Variants in GREB1 observed in about 807,000 individuals in gnomAD.
GREB1 encodes the protein protein GREB1.
GREB1 carries 106 observed loss-of-function variants against 200.7 expected under a neutral mutation model. The ratio of observed to expected loss-of-function variants is 0.53; its 90% CI spans 0.45 to 0.62. The LOEUF is 0.62. Ranked by LOEUF, GREB1 falls within the 20% of genes least tolerant of loss-of-function variation. GREB1 has a pLI of 0.00. For synonymous variants in GREB1, 1,132 were observed against 1,092.4 expected, an observed-to-expected ratio of 1.04 and a Z score of -0.72; for missense variants, 2,243 against 2,556.8, an observed-to-expected ratio of 0.88 and a Z score of 2.65.
intron 12 of GREB1, among the ~76,000 whole-genome samples, chr2:11,595,807 T>C (rs1235169846): frequency 6.6e-6 from 1 of 152,124 alleles, no homozygotes; most frequent in East Asian, 1.9e-4. Context: ...ACTCATCTCA[T>C]GTCCCCCTAG....
rs1305464028 is a variant in GREB1 at position 11,598,812 on chromosome 2, A to G, written c.2285A>G (p.His762Arg). Residue 762 changes from histidine (H) to arginine (R), a missense_variant, in exon 15 of 33, where the codon CAT becomes CGT. Coordinates refer to ENST00000381486, the MANE Select transcript of GREB1 (RefSeq NM_014668.4). ...AFLQNSFQNP[H>R]TLFVLIHDHA... Reference sequence around the variant, plus strand: ...CTGCAAAACTCCTTCCAGAACCCGCATACACTTTTTGTCCTAATCCATGAC... The same window carrying G: ...CTGCAAAACTCCTTCCAGAACCCGCGTACACTTTTTGTCCTAATCCATGAC... 3 of 1,614,214 alleles carry G rather than the reference A, an allele frequency of 1.9e-6. No homozygotes were observed. The highest frequency in any genetic ancestry group is 1.6e-4 in the Middle Eastern group (1 of 6,062).
rs1211011498 is a variant in GREB1, at chr2:11,587,739, A to ACGCGCG, written c.1160-1006_1160-1005insGCGCGC. The ACGCGCG allele has an allele frequency of 2.5e-4, 172 of 697,952 alleles. 11 individuals carry two copies. The highest frequency in any genetic ancestry group is 2.2e-3 in the South Asian group (45 of 20,582). 43.2% of individuals were successfully genotyped at this position (697,952 alleles called of 1,614,324 possible). On this transcript the variant is annotated intron_variant, in intron 9 of 32. Coordinates refer to ENST00000381486, the MANE Select transcript of GREB1 (RefSeq NM_014668.4). Reference sequence around the variant, plus strand: ...CACACACACACACACACACACACACACACGCCACCTTTGGGAGCTCAGCAG... The same window carrying ACGCGCG: ...CACACACACACACACACACACACACACGCGCGCACGCCACCTTTGGGAGCTCAGCAG...
chr2:11,503,396 A>G, intron 1 of GREB1, among the ~76,000 whole-genome samples: 1 of 152,200 alleles, frequency 6.6e-6, no homozygotes, highest in Non-Finnish European at 1.5e-5. Context: ...TAGTGTGAAT[A>G]TATATCACTG....
At chr2:11,513,536 T>C (rs1347814526) in intron 1 of GREB1, among the ~76,000 whole-genome samples, 1 of 152,254 alleles carries the variant, frequency 6.6e-6, no homozygotes, top group Middle Eastern at 3.2e-3. Flanking sequence ...AAGCCTTCCC[T>C]GATCTCCTTA....
chr2:11,627,952 G>T (rs1486466000), intron 25 of GREB1, among the ~76,000 whole-genome samples: 4 of 152,226 alleles, frequency 2.6e-5, no homozygotes, highest in African/African-American at 9.6e-5. Flanking sequence ...GGGACAGCAT[G>T]TGTGGGAGAG....
rs575837285 is a variant in GREB1 at position 11,501,895 on chromosome 2, GTTTTTTTTTGTT to G, written c.-159+19524_-159+19535del. ...TTACTTATTAGAGCCTGGATTTCCT[GTTTTTTTTTGTT>G]TTTTTTTTTTTTTTTTTTTTTTTTT... On this transcript the variant is annotated intron_variant, in intron 1 of 2. Coordinates refer to the GREB1 transcript ENST00000628795. Among the ~76,000 whole-genome samples, 164 of 45,502 alleles carry G rather than the reference GTTTTTTTTTGTT, an allele frequency of 3.6e-3. 12 individuals carry two copies. Among genetic ancestry groups the G allele is most frequent in the African/African-American group, 0.012 (137 of 11,202 alleles). The allele number at this position is 45,502 out of a possible 152,430, so 29.9% of individuals were successfully genotyped here.
At chr2:11,510,475 T>C (rs936641192) in intron 1 of GREB1, among the ~76,000 whole-genome samples, 6 of 152,208 alleles carry the variant, frequency 3.9e-5, no homozygotes, top group African/African-American at 1.2e-4. Context: ...TAATTCCTTC[T>C]TCATATATTT....
At chr2:11,615,491 G>T (rs1260245314) in intron 20 of GREB1, among the ~76,000 whole-genome samples, 2 of 152,186 alleles carry the variant, frequency 1.3e-5, no homozygotes, top group Non-Finnish European at 2.9e-5. Flanking sequence ...TTCAGATTTT[G>T]TTTGTTTTCT....
At chr2:11,531,438 A>G (rs1674071351), upstream of GREB1, among the ~76,000 whole-genome samples, 1 of 152,216 alleles carries the variant, frequency 6.6e-6, no homozygotes, top group African/African-American at 2.4e-5. Context: ...ATTTACCCCA[A>G]AAAAGCTGTT....
chr2:11,554,467 C>T (rs758562283), intron 1 of GREB1, among the ~76,000 whole-genome samples: 1 of 152,310 alleles, frequency 6.6e-6, no homozygotes, highest in South Asian at 2.1e-4. Context: ...CATCTTGAAG[C>T]TACTCTGCCA....
chr2:11,483,571 G>T (rs1041206967), intron 1 of GREB1, among the ~76,000 whole-genome samples: 2 of 152,038 alleles, frequency 1.3e-5, no homozygotes, highest in Non-Finnish European at 2.9e-5. Flanking sequence ...GCTCTGGGAC[G>T]GTGGTTTAGG....
intron 4 of GREB1, among the ~76,000 whole-genome samples, chr2:11,572,862 C>T (rs1678453608): frequency 6.6e-6 from 1 of 152,042 alleles, no homozygotes; most frequent in African/African-American, 2.4e-5. Flanking sequence ...TCACCCTGTA[C>T]CATGGATGGG....
chr2:11,497,546 A>T (rs961620298), intron 1 of GREB1, among the ~76,000 whole-genome samples: 18 of 152,236 alleles, frequency 1.2e-4, no homozygotes, highest in African/African-American at 4.3e-4. Context: ...AAGAAACTAT[A>T]AAAGAGTTTT....
chr2:11,534,608 C>G (rs184413981), intron 1 of GREB1, among the ~76,000 whole-genome samples: 8 of 152,178 alleles, frequency 5.3e-5, no homozygotes, highest in Non-Finnish European at 1.0e-4. Flanking sequence ...AAAGCCAGAT[C>G]AACAGGCTCA....
At position 11,596,219 on chromosome 2, in the gene GREB1, G is replaced by A; in HGVS notation, c.1934G>A (p.Ser645Asn). Residue 645 changes from serine to asparagine, a missense_variant, in exon 13 of 33, where the codon AGT (serine) becomes AAT (asparagine). Ser to Asn is a conservative substitution (Grantham distance 46). Coordinates refer to ENST00000381486, the MANE Select transcript of GREB1 (RefSeq NM_014668.4). ...SVTKAASLDV[S>N]GTPVCTSYNL... ...ACTAAAGCAGCATCCCTGGATGTCA[G>A]TGGGACACCGGTGTGCACAAGTGAG... is the stretch of plus-strand genomic sequence containing the variant. The A allele has an allele frequency of 6.2e-7, 1 of 1,613,918 alleles. No individual in the cohort carries two copies. The highest frequency in any genetic ancestry group is 8.5e-7 in the Non-Finnish European group (1 of 1,179,834).
In GREB1 at chr2:11,597,729, CAGT is replaced by C; in HGVS notation, c.1955-49_1955-47del. ...ACTGATTCTCTGGCCAAGGGCCTGG[CAGT>C]AGCCGTGTGCCCTGGAGCTCACCTG... On this transcript the variant is annotated intron_variant, in intron 13 of 32. Transcript: ENST00000381486. The surrounding 1 kb of genome is among the most constrained non-coding windows in gnomAD (Gnocchi z 4.1). 6.6e-7 allele frequency: 1 copy of C among 1,524,928 alleles called. No individual in the cohort carries two copies. Among genetic ancestry groups the C allele is most frequent in the Non-Finnish European group, 9.1e-7 (1 of 1,099,866 alleles). The allele number at this position is 1,524,928 out of a possible 1,614,324, so 94.5% of individuals were successfully genotyped here.
chr2:11,635,772 T>C (rs1190627095), intron 30 of GREB1, among the ~76,000 whole-genome samples: 1 of 152,176 alleles, frequency 6.6e-6, no homozygotes, highest in African/African-American at 2.4e-5. Context: ...GCTGGCCCCA[T>C]AGTCATACTA....
At chr2:11,576,298 A>T in intron 4 of GREB1, 55 bp from the exon 5 acceptor site, 4 of 1,390,930 alleles carry the variant, frequency 2.9e-6, no homozygotes, top group Non-Finnish European at 4.0e-6. Flanking sequence ...CAAGAACGAG[A>T]CTTCATCTCA....
intron 1 of GREB1, among the ~76,000 whole-genome samples, chr2:11,510,595 CA>C (rs1476158275): frequency 6.6e-6 from 1 of 152,106 alleles, no homozygotes; most frequent in African/African-American, 2.4e-5. Flanking sequence ...CTTTATCCAC[CA>C]GTTTTCAGGA....
Sources: gnomAD v4.1 joint callset for allele counts (sites outside exome capture counted in the v4.1 genomes callset) on GRCh38, gnomAD v4.1.1 for gene constraint, Gnocchi (gnomAD v3.1) non-coding constraint, MANE v1.5 for transcripts, NCBI Gene and HGNC (gene_info 2026-07-23, HGNC 2026-07-21) for gene names.